The following WWOX variants were observed in gnomAD, a reference collection of about 807,000 sequenced individuals.
WWOX encodes the protein WW domain containing oxidoreductase.
A neutral mutation model predicts 46.2 loss-of-function variants in WWOX; 69 were observed. That is an observed-to-expected ratio of 1.49 (90% confidence interval 1.23 to 1.82). The LOEUF (loss-of-function observed/expected upper bound fraction) is 1.82, where lower values mean the gene tolerates loss of function less well. Among genes scored for constraint, WWOX ranks in the 40% most tolerant of loss-of-function variants. WWOX has a pLI of 0.00. For missense variants in WWOX, 919 were observed against 542.6 expected (o/e 1.69, Z -6.89); for synonymous variants, 359 against 202.6 (o/e 1.77, Z -6.56).
intron 8 of WWOX, among the ~76,000 whole-genome samples, chr16:78,699,946 C>G (rs1257322496): frequency 1.3e-5 from 2 of 152,074 alleles, no homozygotes; most frequent in African/African-American, 4.8e-5. Flanking sequence ...ATTTTTAGTA[C>G]TCACAAGGTA....
At chr16:79,059,813 C>T (rs117131630) in intron 8 of WWOX, among the ~76,000 whole-genome samples, 2,008 of 152,266 alleles carry the variant, frequency 0.013, 24 homozygotes, top group Non-Finnish European at 0.022. Context: ...GTGTCAGAGA[C>T]AACATTACCC....
chr16:78,431,897 GTAGACATGGTGTCTC>G (rs1283830785), intron 7 of WWOX, among the ~76,000 whole-genome samples: 2 of 151,872 alleles, frequency 1.3e-5, no homozygotes, highest in African/African-American at 4.8e-5. Flanking sequence ...TTTATTTTTT[GTAGACATGGTGTCTC>G]CCTATGTTGC....
At position 78,568,919 on chromosome 16, in the gene WWOX, C is replaced by T. The variant is rs2044644333; in HGVS notation, c.1056+136167C>T. Among the ~76,000 whole-genome samples, 5 of 152,306 alleles carry T rather than the reference C, an allele frequency of 3.3e-5. No homozygotes were observed. In the South Asian group the frequency reaches 1.0e-3, roughly 32 times the overall value. ...CATCTAATAATCCTAACACTGTCAT[C>T]CTTATACTTGAGGTCTTATTGTCCA... On this transcript the variant is annotated intron_variant, in intron 8 of 8. Coordinates refer to ENST00000566780, the MANE Select transcript of WWOX (RefSeq NM_016373.4).
intron 5 of WWOX, among the ~76,000 whole-genome samples, chr16:78,322,496 A>T (rs2080506172): frequency 6.6e-6 from 1 of 152,216 alleles, no homozygotes; most frequent in Admixed American, 6.5e-5. Flanking sequence ...GATAGATGTT[A>T]TTAGCCCAAT....
intron 8 of WWOX, among the ~76,000 whole-genome samples, chr16:78,812,516 G>C: frequency 6.6e-6 from 1 of 152,084 alleles, no homozygotes; most frequent in East Asian, 1.9e-4. Context: ...GAGGTCAGGA[G>C]TTCGAGACCA....
chr16:78,572,369 C>A (rs1166567699), intron 8 of WWOX, among the ~76,000 whole-genome samples: 1 of 152,140 alleles, frequency 6.6e-6, no homozygotes, highest in Non-Finnish European at 1.5e-5. Flanking sequence ...CCACAGTCGG[C>A]AGATGGCTTG....
intron 8 of WWOX, among the ~76,000 whole-genome samples, chr16:78,991,570 CAGACTGGG>C (rs1326077792): frequency 1.6e-5 from 2 of 122,972 alleles, no homozygotes; most frequent in African/African-American, 6.2e-5. Context: ...CACTGCACTC[CAGACTGGG>C]AGACACAGCA....
chr16:78,879,590 A>G (rs1411745212), intron 8 of WWOX, among the ~76,000 whole-genome samples: 1 of 152,174 alleles, frequency 6.6e-6, no homozygotes, highest in Admixed American at 6.6e-5. Flanking sequence ...CTTAGAAGGA[A>G]TTCCTGGCTG....
At chr16:79,183,510 T>C (rs2050953287) in intron 8 of WWOX, among the ~76,000 whole-genome samples, 1 of 152,210 alleles carries the variant, frequency 6.6e-6, no homozygotes, top group African/African-American at 2.4e-5. Context: ...TTTTTTTCTG[T>C]GTCTCTGAAT....
intron 5 of WWOX, among the ~76,000 whole-genome samples, chr16:78,365,576 C>G (rs1373727092): frequency 3.9e-5 from 6 of 152,150 alleles, no homozygotes; most frequent in Non-Finnish European, 1.5e-5. Context: ...CTGGAATTCC[C>G]TGAATCATAG....
intron 8 of WWOX, among the ~76,000 whole-genome samples, chr16:78,699,366 A>C (rs2048164924): frequency 7.1e-6 from 1 of 141,214 alleles, no homozygotes; most frequent in African/African-American, 3.2e-5. Flanking sequence ...GTGTTTCTAC[A>C]AAAAATACAA....
intron 8 of WWOX, among the ~76,000 whole-genome samples, chr16:78,732,246 G>A (rs2048987524): frequency 1.3e-5 from 2 of 152,060 alleles, no homozygotes; most frequent in East Asian, 1.9e-4. Context: ...TTGAAGTTAG[G>A]TCATAAAAGA....
intron 8 of WWOX, among the ~76,000 whole-genome samples, chr16:78,744,542 T>C (rs1198340790): frequency 6.6e-6 from 1 of 150,756 alleles, no homozygotes; most frequent in East Asian, 2.0e-4. Flanking sequence ...AGCAATTTTC[T>C]TGCCTCAGCC....
intron 5 of WWOX, among the ~76,000 whole-genome samples, chr16:78,212,196 T>A (rs1384184950): frequency 6.6e-6 from 1 of 152,168 alleles, no homozygotes; most frequent in Admixed American, 6.5e-5. Context: ...TCTGCTTCTT[T>A]GGCAGTCTAG....
intron 5 of WWOX, among the ~76,000 whole-genome samples, chr16:78,305,410 A>G (rs188956606): frequency 3.3e-5 from 5 of 152,290 alleles, no homozygotes; most frequent in Admixed American, 3.3e-4. Context: ...TCCCTTGGCC[A>G]TTTAGAAGTG....
intron 8 of WWOX, among the ~76,000 whole-genome samples, chr16:79,091,673 C>A (rs983603953): frequency 6.6e-6 from 1 of 152,126 alleles, no homozygotes; most frequent in Non-Finnish European, 1.5e-5. Flanking sequence ...GATATTCTTA[C>A]CTCTTCGTTA....
chr16:78,386,629 C>A (rs1445530566), intron 5 of WWOX, among the ~76,000 whole-genome samples: 1 of 138,664 alleles, frequency 7.2e-6, no homozygotes, highest in Admixed American at 7.1e-5. Flanking sequence ...ACCCACCCCC[C>A]CGCCCCACCC....
chr16:78,751,143 C>A (rs765517775), intron 8 of WWOX, among the ~76,000 whole-genome samples: 4 of 151,868 alleles, frequency 2.6e-5, no homozygotes, highest in Non-Finnish European at 4.4e-5. Flanking sequence ...ATTCCTACTT[C>A]CAAAAAGAAT....
At position 78,427,719 on chromosome 16, in the gene WWOX, G is replaced by C. The variant is rs77306161; in HGVS notation, c.791+2664G>C. On this transcript the variant is annotated intron_variant, in intron 7 of 8. Transcript: ENST00000566780. The stretch of plus-strand genomic sequence containing the variant: ...CTTGAGCCCAGGAGTTTGAGGTTGC[G>C]GTAAGCGTTGATCATGCCACTGCAT... 5.7e-3 allele frequency among the ~76,000 whole-genome samples: 867 copies of C among 152,104 alleles called. 33 individuals are homozygous for C. In the East Asian group the frequency reaches 0.1, roughly 18 times the overall value.
Sources: allele counts gnomAD v4.1 joint callset (sites outside exome capture counted in the v4.1 genomes callset), GRCh38; gene constraint gnomAD v4.1.1; transcripts MANE v1.5; gene names NCBI Gene and HGNC (gene_info 2026-07-23, HGNC 2026-07-21).